Variants in LIMCH1 observed in about 807,000 individuals in gnomAD.
LIMCH1 encodes the protein LIM and calponin homology domains 1, also known as LIM and calponin homology domains-containing protein 1.
A neutral mutation model predicts 176.5 loss-of-function variants in LIMCH1; 113 were observed. That is an observed-to-expected ratio of 0.64 (90% confidence interval 0.55 to 0.75). The LOEUF (loss-of-function observed/expected upper bound fraction) is 0.75, where lower values mean the gene tolerates loss of function less well. Among genes scored for constraint, LIMCH1 ranks in the 30% least tolerant of loss-of-function variants. The pLI, the probability that LIMCH1 is intolerant of heterozygous loss-of-function variation, is 0.00. For synonymous variants in LIMCH1, 619 were observed against 645.9 expected (o/e 0.96, Z 0.63); for missense variants, 1,674 against 1,814.9 (o/e 0.92, Z 1.41).
At chr4:41,673,684 TC>T (rs1173523713) in intron 22 of LIMCH1, among the ~76,000 whole-genome samples, 1 of 152,118 alleles carries the variant, frequency 6.6e-6, no homozygotes, top group Non-Finnish European at 1.5e-5. Flanking sequence ...ATGAAGGGAT[TC>T]CATTCATTTA....
At chr4:41,623,172 G>T (rs1452544945) in intron 7 of LIMCH1, among the ~76,000 whole-genome samples, 1 of 152,184 alleles carries the variant, frequency 6.6e-6, no homozygotes, top group African/African-American at 2.4e-5. Flanking sequence ...TCATGAAAAA[G>T]AAAAGGACTC....
At position 41,598,925 on chromosome 4, in the gene LIMCH1, T is replaced by TA; in HGVS notation, c.-234dup. On this transcript the variant is annotated 5_prime_UTR_variant, in exon 2 of 32. An upstream open reading frame in the 5' UTR loses its in-frame stop. Coordinates refer to ENST00000503057, the MANE Select transcript of LIMCH1 (RefSeq NM_001330672.2). Reference sequence around the variant, plus strand: ...ATTTCTTTTTTTCCTTCTAGGACAATATTATCTTATTCTTGAGAGGTTGTA... The same window carrying TA: ...ATTTCTTTTTTTCCTTCTAGGACAATAATTATCTTATTCTTGAGAGGTTGTA... The TA allele has an allele frequency of 6.3e-7, 1 of 1,592,888 alleles. No homozygotes were observed. Among genetic ancestry groups the TA allele is most frequent in the Non-Finnish European group, 8.6e-7 (1 of 1,161,588 alleles).
chr4:41,501,556 C>T (rs1025822108), intron 2 of LIMCH1, among the ~76,000 whole-genome samples: 10 of 152,126 alleles, frequency 6.6e-5, no homozygotes, highest in African/African-American at 2.2e-4. Flanking sequence ...TCTTTTGTTT[C>T]TTCTGCTCTC....
chr4:41,552,936 A>G (rs2080697203), intron 1 of LIMCH1, among the ~76,000 whole-genome samples: 1 of 152,174 alleles, frequency 6.6e-6, no homozygotes, highest in African/African-American at 2.4e-5. Flanking sequence ...TGAGCTGTTT[A>G]AAAAAATAAA....
intron 7 of LIMCH1, among the ~76,000 whole-genome samples, chr4:41,622,201 A>G (rs1584971242): frequency 6.6e-6 from 1 of 152,052 alleles, no homozygotes; most frequent in South Asian, 2.1e-4. Flanking sequence ...TATCAAACAC[A>G]TTTTTTTCTG....
intron 4 of LIMCH1, among the ~76,000 whole-genome samples, chr4:41,609,463 G>A (rs1456369829): frequency 6.6e-6 from 1 of 152,134 alleles, no homozygotes; most frequent in Non-Finnish European, 1.5e-5. Flanking sequence ...GGTGGGTGGA[G>A]AGTGGCTGAG....
chr4:41,576,989 T>TA (rs895231958), intron 1 of LIMCH1, among the ~76,000 whole-genome samples: 2 of 152,062 alleles, frequency 1.3e-5, no homozygotes, highest in Non-Finnish European at 2.9e-5. Context: ...CAAATGCAGA[T>TA]AAAAAAATAC....
intron 22 of LIMCH1, among the ~76,000 whole-genome samples, chr4:41,673,120 C>A (rs1274028370): frequency 1.3e-5 from 2 of 152,114 alleles, no homozygotes; most frequent in African/African-American, 4.8e-5. Flanking sequence ...GAGAAGGGAT[C>A]CATCACTTGT....
chr4:41,656,658 A>C (rs1232768137), intron 18 of LIMCH1, among the ~76,000 whole-genome samples: 1 of 152,202 alleles, frequency 6.6e-6, no homozygotes. Flanking sequence ...ACCCATGCAC[A>C]GCATATGTGG....
intron 18 of LIMCH1, among the ~76,000 whole-genome samples, chr4:41,651,013 T>TTTTA (rs1562089425): frequency 6.6e-6 from 1 of 152,020 alleles, no homozygotes. Context: ...TTTTATTTTA[T>TTTTA]TTTATTTTTC....
At chr4:41,517,668 C>A (rs1279658375) in intron 2 of LIMCH1, among the ~76,000 whole-genome samples, 3 of 152,028 alleles carry the variant, frequency 2.0e-5, no homozygotes, top group Non-Finnish European at 4.4e-5. Flanking sequence ...ATATTTTAGT[C>A]GATTTTTCTT....
chr4:41,484,180 G>A (rs756560917), intron 1 of LIMCH1, among the ~76,000 whole-genome samples: 4 of 152,150 alleles, frequency 2.6e-5, no homozygotes, highest in Non-Finnish European at 5.9e-5. Flanking sequence ...CTTCTTCCAT[G>A]CTCTTGTAAC....
intron 1 of LIMCH1, among the ~76,000 whole-genome samples, chr4:41,484,305 A>AT (rs1225738686): frequency 6.6e-6 from 1 of 152,052 alleles, no homozygotes; most frequent in Non-Finnish European, 1.5e-5. Flanking sequence ...AGATCTTGTC[A>AT]TTTTGGTCTT....
At chr4:41,517,281 C>G (rs1440912289) in intron 2 of LIMCH1, among the ~76,000 whole-genome samples, 2 of 152,092 alleles carry the variant, frequency 1.3e-5, no homozygotes, top group Non-Finnish European at 2.9e-5. Flanking sequence ...GGCCAGCACT[C>G]TATTATATAG....
At chr4:41,562,693 A>G (rs1262164870) in intron 1 of LIMCH1, among the ~76,000 whole-genome samples, 1 of 152,164 alleles carries the variant, frequency 6.6e-6, no homozygotes, top group Non-Finnish European at 1.5e-5. Flanking sequence ...TTAAAATAGG[A>G]AAGTTCAGGC....
chr4:41,538,220 T>C lies in LIMCH1; in HGVS notation c.-371T>C. 1 of 985,512 alleles carries C rather than the reference T, an allele frequency of 1.0e-6. No individual in the cohort carries two copies. The highest frequency in any genetic ancestry group is 1.2e-6 in the Non-Finnish European group (1 of 830,016). The allele number at this position is 985,512 out of a possible 1,614,324, so 61.0% of individuals were successfully genotyped here. Reference sequence around the variant, plus strand: ...GGGGTTGGCAGTGGTGACGACTGTTTTGGGAAAGGAAATGTAAGGGCATTT... The same window carrying C: ...GGGGTTGGCAGTGGTGACGACTGTTCTGGGAAAGGAAATGTAAGGGCATTT... On this transcript the variant is annotated 5_prime_UTR_variant, in exon 1 of 32. Coordinates refer to ENST00000503057, the MANE Select transcript of LIMCH1 (RefSeq NM_001330672.2).
At chr4:41,430,179 G>T (rs1006679075) in intron 1 of LIMCH1, among the ~76,000 whole-genome samples, 10 of 152,126 alleles carry the variant, frequency 6.6e-5, no homozygotes, top group East Asian at 1.9e-4. Flanking sequence ...TATATTTTTT[G>T]GGGGAAATAG....
intron 9 of LIMCH1, 102 bp from the exon 10 acceptor site, chr4:41,631,046 G>A (rs2093293721): frequency 2.0e-6 from 2 of 1,006,780 alleles, no homozygotes; most frequent in Non-Finnish European, 2.8e-6. Flanking sequence ...TCACTGATAG[G>A]GAGGGCCAAC....
At position 41,613,611 on chromosome 4, in the gene LIMCH1, G is replaced by A. The variant is rs149573923; in HGVS notation, c.155G>A (p.Arg52His). The change falls in exon 5 of 32, where the codon CGC becomes CAC. Residue 52 changes from arginine to histidine, a missense_variant. Around this residue, in one of 3 missense-constraint regions of LIMCH1, gnomAD observed 655 missense variants for 692.2 expected, o/e 0.95. Coordinates refer to ENST00000503057, the MANE Select transcript of LIMCH1 (RefSeq NM_001330672.2). ...SFDSLDSFGS[R>H]SRQTPSPDVV... ...GACAGCCTGGATTCCTTTGGCTCTCGCTCTCGGCAGACGCCTTCACCAGAT... is the reference window on the plus strand; with the variant it reads ...GACAGCCTGGATTCCTTTGGCTCTCACTCTCGGCAGACGCCTTCACCAGAT... The A allele has an allele frequency of 4.4e-5, 71 of 1,614,008 alleles. No individual in the cohort carries two copies. Among genetic ancestry groups the A allele is most frequent in the African/African-American group, 6.7e-5 (5 of 74,918 alleles).
Sources: allele counts gnomAD v4.1 joint callset (sites outside exome capture counted in the v4.1 genomes callset), GRCh38; gene constraint gnomAD v4.1.1; regional missense constraint gnomAD v4.1.1; transcripts MANE v1.5; gene names NCBI Gene and HGNC (gene_info 2026-07-23, HGNC 2026-07-21).